TCF12: variants seen among roughly 807,000 people sequenced by gnomAD.
TCF12 encodes DNA-binding protein HTF4.
Under a neutral mutation model 86.0 loss-of-function variants are expected in TCF12, and 45 were observed. That is an observed-to-expected ratio of 0.52 (90% CI 0.41 to 0.67). The LOEUF (loss-of-function observed/expected upper bound fraction) is 0.67, where lower values mean the gene tolerates loss of function less well. TCF12 is among the 30% of genes least tolerant of loss of function. The pLI is 0.00. For missense variants in TCF12, 881 were observed against 859.9 expected, an observed-to-expected ratio of 1.02 and a Z score of -0.31; for synonymous variants, 330 against 299.6, an observed-to-expected ratio of 1.10 and a Z score of -1.05.
At chr15:57,109,969 A>G (rs2050380527) in intron 5 of TCF12, among the ~76,000 whole-genome samples, 1 of 152,194 alleles carries the variant, frequency 6.6e-6, no homozygotes, top group Admixed American at 6.5e-5. Flanking sequence ...TTAATTGAAG[A>G]CACAAATAGT....
downstream of TCF12, among the ~76,000 whole-genome samples, chr15:57,290,554 T>A (rs1488571729): frequency 2.6e-5 from 4 of 152,050 alleles, no homozygotes; most frequent in Admixed American, 1.3e-4. Context: ...AGGTTTGACA[T>A]TAAAAGAAGG....
chr15:57,223,455 T>C (rs1479333460), intron 8 of TCF12, among the ~76,000 whole-genome samples: 1 of 152,032 alleles, frequency 6.6e-6, no homozygotes, highest in African/African-American at 2.4e-5. Context: ...ATCTTTTGCA[T>C]GTGTGGTCAG....
chr15:57,016,620 T>C (rs1445175889), intron 3 of TCF12, among the ~76,000 whole-genome samples: 9 of 152,226 alleles, frequency 5.9e-5, no homozygotes, highest in Middle Eastern at 3.4e-3. Flanking sequence ...GGCATACTTA[T>C]AGAAAAATTG....
downstream of TCF12, among the ~76,000 whole-genome samples, chr15:57,290,335 C>CTCTT (rs72515302): frequency 0.011 from 4 of 364 alleles, no homozygotes; most frequent in Admixed American, 0.095. Context: ...AAGAGCAAAA[C>CTCTT]TGTCTCAAAA....
At chr15:57,039,713 G>C (rs139604644) in intron 3 of TCF12, among the ~76,000 whole-genome samples, 1 of 151,990 alleles carries the variant, frequency 6.6e-6, no homozygotes, top group African/African-American at 2.4e-5. Context: ...TATTAAGTCC[G>C]TAGACCTTCT....
chr15:57,085,370 C>T (rs1050107473), intron 4 of TCF12, among the ~76,000 whole-genome samples: 2 of 152,198 alleles, frequency 1.3e-5, no homozygotes, highest in Non-Finnish European at 2.9e-5. Context: ...TATTAAGTAG[C>T]TGTTTCCGAT....
intron 7 of TCF12, among the ~76,000 whole-genome samples, chr15:57,195,974 A>T (rs555535928): frequency 1.7e-4 from 26 of 152,332 alleles, no homozygotes; most frequent in African/African-American, 6.3e-4. Context: ...ACTGCACTCC[A>T]GCCTGGCCAA....
intron 8 of TCF12, among the ~76,000 whole-genome samples, chr15:57,206,863 G>A (rs758874745): frequency 1.1e-4 from 16 of 150,702 alleles, no homozygotes; most frequent in Non-Finnish European, 1.8e-4. Context: ...GGCCAAGATG[G>A]GAGGAGTGTT....
At chr15:57,215,198 T>C (rs1051511472) in intron 8 of TCF12, among the ~76,000 whole-genome samples, 2 of 152,152 alleles carry the variant, frequency 1.3e-5, no homozygotes, top group South Asian at 2.1e-4. Context: ...ACCTGGAATT[T>C]TGATGTCTGA....
intron 13 of TCF12, among the ~76,000 whole-genome samples, chr15:57,244,838 T>C (rs2059787878): frequency 6.6e-6 from 1 of 152,116 alleles, no homozygotes; most frequent in Non-Finnish European, 1.5e-5. Flanking sequence ...AGTATAAATT[T>C]GTGGAGACAT....
chr15:57,150,039 T>A (rs2053630517), intron 5 of TCF12, among the ~76,000 whole-genome samples: 1 of 152,150 alleles, frequency 6.6e-6, no homozygotes, highest in African/African-American at 2.4e-5. Context: ...AGTCCTGAAG[T>A]TACCCCCACT....
At chr15:57,024,246 G>A (rs1030033147) in intron 3 of TCF12, among the ~76,000 whole-genome samples, 1 of 126,218 alleles carries the variant, frequency 7.9e-6, no homozygotes, top group Non-Finnish European at 1.6e-5. Flanking sequence ...TTTTTGAGAC[G>A]GAGTCTCGCT....
chr15:57,211,504 G>C (rs574070503), intron 8 of TCF12, among the ~76,000 whole-genome samples: 1 of 152,326 alleles, frequency 6.6e-6, no homozygotes, highest in East Asian at 1.9e-4. Context: ...TACTTCATTT[G>C]CTGGCATAAA....
At chr15:57,282,739 CT>C in intron 20 of TCF12, 141 bp downstream of exon 20, 1 of 1,094,482 alleles carries the variant, frequency 9.1e-7, no homozygotes, top group Non-Finnish European at 1.3e-6. Context: ...AACAGTTTGT[CT>C]TTCTGTTACA....
At chr15:57,052,067 A>T (rs1386314351) in intron 3 of TCF12, among the ~76,000 whole-genome samples, 1 of 152,246 alleles carries the variant, frequency 6.6e-6, no homozygotes, top group East Asian at 1.9e-4. Flanking sequence ...TTTTGAAATC[A>T]GAAAGGTTTA....
intron 19 of TCF12, among the ~76,000 whole-genome samples, chr15:57,280,047 C>G (rs2061613459): frequency 6.6e-6 from 1 of 152,064 alleles, no homozygotes; most frequent in Non-Finnish European, 1.5e-5. Context: ...GCACCCGCCA[C>G]CACGCCTGGC....
At chr15:57,227,954 G>A (rs78884008) in intron 8 of TCF12, among the ~76,000 whole-genome samples, 5 of 151,778 alleles carry the variant, frequency 3.3e-5, no homozygotes, top group African/African-American at 4.8e-5. Context: ...TTTTAAGATC[G>A]ACTGTCATGA....
In TCF12 at chr15:57,170,674, TA is replaced by T. The variant is rs376492287; in HGVS notation, c.390+4210del. On this transcript the variant is annotated intron_variant, in intron 6 of 20. Transcript: ENST00000333725. ...ATATTATATAAAATATATATATATA[TA>T]ATATATTATATATAATATATATTAT... Among the ~76,000 whole-genome samples, 21 of 11,346 alleles carry T rather than the reference TA, an allele frequency of 1.9e-3. No homozygotes were observed. In the South Asian group the frequency reaches 0.054, roughly 29 times the overall value. 7.4% of individuals were successfully genotyped at this position (11,346 alleles called of 152,430 possible). A position where few individuals can be genotyped will look rare whatever the true frequency, so the allele number is the denominator to read the frequency against.
chr15:57,247,798 A>G (rs1279987142), intron 13 of TCF12: 2 of 750,620 alleles, frequency 2.7e-6, no homozygotes, highest in African/African-American at 3.4e-5. Context: ...CTTCAACACA[A>G]GAGTAAGTCA....
Sources: gnomAD v4.1 joint callset for allele counts (sites outside exome capture counted in the v4.1 genomes callset) on GRCh38, gnomAD v4.1.1 for gene constraint, MANE v1.5 for transcripts, NCBI Gene and HGNC (gene_info 2026-07-23, HGNC 2026-07-21) for gene names.